RASSF8: variants seen among roughly 807,000 people sequenced by gnomAD.
RASSF8 encodes Ras association domain family member 8.
A neutral mutation model predicts 48.5 loss-of-function variants in RASSF8; 22 were observed. The ratio of observed to expected loss-of-function variants is 0.45; its 90% CI spans 0.32 to 0.65. The LOEUF is 0.65. Among genes scored for constraint, RASSF8 ranks in the 30% least tolerant of loss-of-function variants. The probability of loss-of-function intolerance (pLI) is 0.03; values close to 1 mark genes in which losing one functional copy is unlikely to be tolerated. For missense variants in RASSF8, 418 were observed against 489.2 expected, an observed-to-expected ratio of 0.85 and a Z score of 1.37; for synonymous variants, 127 against 171.5, an observed-to-expected ratio of 0.74 and a Z score of 2.03.
intron 2 of RASSF8, among the ~76,000 whole-genome samples, chr12:26,025,503 A>G (rs1408984092): frequency 6.7e-6 from 1 of 149,464 alleles, no homozygotes; most frequent in Non-Finnish European, 1.5e-5. Flanking sequence ...TGGAGCTGGC[A>G]GTGAGCCGAG....
At chr12:26,024,263 AATGCTAGG>A (rs1319419294) in intron 2 of RASSF8, among the ~76,000 whole-genome samples, 7 of 152,140 alleles carry the variant, frequency 4.6e-5, no homozygotes, top group African/African-American at 1.7e-4. Flanking sequence ...AGCCTCCCCA[AATGCTAGG>A]ATTACAGATA....
Position 26,064,429 on chromosome 12 carries a change from C to T in RASSF8, c.104-69C>T. The T allele has an allele frequency of 2.9e-6, 4 of 1,359,476 alleles. No homozygotes were observed. In the East Asian group the frequency reaches 7.0e-5, roughly 24 times the overall value. The allele number at this position is 1,359,476 out of a possible 1,614,324, so 84.2% of individuals were successfully genotyped here. ...TCGAAAATACACAATCATCAAATGG[C>T]ATTCTTACTCCATTTTTTAACTATT... On this transcript the variant is annotated intron_variant, in intron 3 of 5. Transcript: ENST00000689635.
At chr12:25,963,247 TA>T (rs1272514311) in intron 1 of RASSF8, among the ~76,000 whole-genome samples, 1 of 142,942 alleles carries the variant, frequency 7.0e-6, no homozygotes, top group Admixed American at 7.2e-5. Flanking sequence ...GAGTTTTTTT[TA>T]AAAAAAGTGG....
In RASSF8 at chr12:26,065,252, C is replaced by A. The variant is rs752319884; in HGVS notation, c.858C>A (p.Val286=). 11 of 1,613,888 alleles carry A rather than the reference C, an allele frequency of 6.8e-6. No homozygotes were observed. The highest frequency in any genetic ancestry group is 1.3e-5 in the African/African-American group (1 of 74,860). Residue 286 remains valine, a synonymous_variant, in exon 4 of 6, where the codon GTC becomes GTA. Coordinates refer to ENST00000689635, the MANE Select transcript of RASSF8 (RefSeq NM_001394098.1). ...KLQREVQEAQ[V]NEEEVKGKIG... is the part of the protein sequence containing the mutation. ...AACGGGAAGTTCAAGAGGCACAGGTCAATGAGGAAGAGGTTAAAGGAAAGA... is the reference window on the plus strand; with the variant it reads ...AACGGGAAGTTCAAGAGGCACAGGTAAATGAGGAAGAGGTTAAAGGAAAGA...
chr12:26,046,175 C>T (rs1943369335), intron 2 of RASSF8, among the ~76,000 whole-genome samples: 1 of 152,170 alleles, frequency 6.6e-6, no homozygotes, highest in African/African-American at 2.4e-5. Flanking sequence ...ATTTCTGTGG[C>T]AACAATTGAC....
At chr12:26,050,922 C>G (rs140099352) in intron 2 of RASSF8, among the ~76,000 whole-genome samples, 2 of 152,248 alleles carry the variant, frequency 1.3e-5, no homozygotes, top group Non-Finnish European at 2.9e-5. Flanking sequence ...TATATATTAT[C>G]TGATCGTTGT....
intron 2 of RASSF8, among the ~76,000 whole-genome samples, chr12:25,996,029 A>G (rs1942124920): frequency 6.6e-6 from 1 of 152,242 alleles, no homozygotes; most frequent in East Asian, 1.9e-4. Flanking sequence ...GCTAGATTAT[A>G]TGGAGAGACT....
At chr12:26,066,233 C>T (rs553459818) in intron 4 of RASSF8, among the ~76,000 whole-genome samples, 1 of 152,300 alleles carries the variant, frequency 6.6e-6, no homozygotes, top group Admixed American at 6.5e-5. Context: ...TTCTGTTGGA[C>T]TGTGCTGGTT....
chr12:26,024,236 A>G (rs1231214832), intron 2 of RASSF8, among the ~76,000 whole-genome samples: 1 of 152,130 alleles, frequency 6.6e-6, no homozygotes, highest in African/African-American at 2.4e-5. Flanking sequence ...CCTGGCCTCA[A>G]GCAATCTTCC....
intron 2 of RASSF8, among the ~76,000 whole-genome samples, chr12:26,013,396 G>A: frequency 6.6e-6 from 1 of 152,136 alleles, no homozygotes; most frequent in East Asian, 1.9e-4. Flanking sequence ...ATGAAGAAAT[G>A]AGCCTCCATG....
intron 2 of RASSF8, among the ~76,000 whole-genome samples, chr12:25,997,666 A>G (rs981380780): frequency 2.0e-5 from 3 of 152,170 alleles, no homozygotes; most frequent in Admixed American, 6.5e-5. Context: ...AGAGAAAACT[A>G]CTTGGTAGGA....
Position 26,072,186 on chromosome 12 carries a change from A to G in RASSF8, c.*3368A>G. 1.0e-6 allele frequency: 1 copy of G among 974,026 alleles called. No individual in the cohort carries two copies. Among genetic ancestry groups the G allele is most frequent in the Non-Finnish European group, 1.2e-6 (1 of 819,584 alleles). The allele number at this position is 974,026 out of a possible 1,614,324, so 60.3% of individuals were successfully genotyped here. A position where few individuals can be genotyped will look rare whatever the true frequency, so the allele number is the denominator to read the frequency against. ...CCCTCTCCTACCTAAAGTTGTCTTT[A>G]TTGGTTTATATTGTGTTAAAATTAG... On this transcript the variant is annotated 3_prime_UTR_variant, in exon 6 of 6. Transcript: ENST00000689635.
At chr12:26,011,257 G>C (rs926848305) in intron 2 of RASSF8, among the ~76,000 whole-genome samples, 2 of 150,594 alleles carry the variant, frequency 1.3e-5, no homozygotes, top group African/African-American at 2.4e-5. Context: ...TCAGTCATGT[G>C]TCCATGGAAA....
intron 1 of RASSF8, among the ~76,000 whole-genome samples, chr12:25,994,277 TTA>T (rs201234801): frequency 0.081 from 6,321 of 78,392 alleles, 165 homozygotes; most frequent in East Asian, 0.17. Context: ...GGATAGATTT[TTA>T]AAAAAAAAAA....
intron 3 of RASSF8, among the ~76,000 whole-genome samples, chr12:26,061,344 A>G (rs563864358): frequency 1.4e-3 from 209 of 152,246 alleles, no homozygotes; most frequent in African/African-American, 4.9e-3. Flanking sequence ...AATTTATGTC[A>G]ATCAGTCATT....
At chr12:25,986,826 T>G (rs187319080) in intron 1 of RASSF8, among the ~76,000 whole-genome samples, 5 of 152,372 alleles carry the variant, frequency 3.3e-5, no homozygotes, top group Admixed American at 3.3e-4. Context: ...TTCCTTTCGT[T>G]ATCCACTTCT....
At chr12:25,973,568 A>G (rs1031440735) in intron 1 of RASSF8, among the ~76,000 whole-genome samples, 4 of 152,254 alleles carry the variant, frequency 2.6e-5, no homozygotes, top group Middle Eastern at 6.8e-3. Flanking sequence ...TCCTTCATTT[A>G]AAAATTAGGG....
chr12:25,986,917 GT>G (rs68185131), intron 1 of RASSF8, among the ~76,000 whole-genome samples: 1 of 145,512 alleles, frequency 6.9e-6, no homozygotes, highest in African/African-American at 2.5e-5. Flanking sequence ...TTGAACTACC[GT>G]TTTTTTTTTT....
intron 1 of RASSF8, among the ~76,000 whole-genome samples, chr12:25,965,060 A>C (rs10842641): frequency 0.36 from 54,664 of 151,754 alleles, 11,196 homozygotes; most frequent in Non-Finnish European, 0.46. Flanking sequence ...CTCCCGCCTC[A>C]GCCTCCTGAG....
Sources: gnomAD v4.1 joint callset for allele counts (sites outside exome capture counted in the v4.1 genomes callset) on GRCh38, gnomAD v4.1.1 for gene constraint, MANE v1.5 for transcripts, NCBI Gene and HGNC (gene_info 2026-07-23, HGNC 2026-07-21) for gene names.